The following KCNG3 variants were observed in gnomAD, a reference collection of about 807,000 sequenced individuals.
KCNG3 encodes the protein voltage-gated potassium channel regulatory subunit KCNG3.
In KCNG3, 15 loss-of-function variants were observed where a neutral mutation model predicts 29.0. That is an observed-to-expected ratio of 0.52 (90% CI 0.35 to 0.80). KCNG3 has a LOEUF of 0.80. Ranked by LOEUF, KCNG3 falls within the 30% of genes least tolerant of loss-of-function variation. KCNG3 has a pLI of 0.01. For synonymous variants in KCNG3, 322 were observed against 248.9 expected (o/e 1.29, Z -2.76); for missense variants, 512 against 605.7 (o/e 0.85, Z 1.62).
Position 42,492,989 on chromosome 2 carries a change from C to G in KCNG3, c.513G>C (p.Gln171His). Residue 171 changes from glutamine to histidine, a missense_variant, in exon 1 of 2, where the codon CAG (glutamine) becomes CAC (histidine). Physicochemically the swap from Gln to His is conservative, Grantham distance 24. Around this residue, in one of 5 missense-constraint regions of KCNG3, gnomAD observed 228 missense variants for 200.0 expected, o/e 1.14. Transcript: ENST00000306078. ...FEEPTSSLAAQILASVSVVFV... is the reference protein window; with the variant it reads ...FEEPTSSLAAHILASVSVVFV... ...ACACCACCGACACGCTAGCCAGGAT[C>G]TGCGCGGCCAGCGACGACGTGGGCT... 2 of 1,541,868 alleles carry G rather than the reference C, an allele frequency of 1.3e-6. No homozygotes were observed. Among genetic ancestry groups the G allele is most frequent in the Non-Finnish European group, 1.7e-6 (2 of 1,147,734 alleles).
At chr2:42,457,382 A>C (rs1252702822) in intron 1 of KCNG3, among the ~76,000 whole-genome samples, 4 of 151,672 alleles carry the variant, frequency 2.6e-5, no homozygotes, top group Non-Finnish European at 5.9e-5. Flanking sequence ...TACTCCCAGC[A>C]ACCTGGGAGG....
chr2:42,460,004 T>C (rs919520527), intron 1 of KCNG3, among the ~76,000 whole-genome samples: 4 of 150,360 alleles, frequency 2.7e-5, no homozygotes, highest in East Asian at 2.0e-4. Context: ...GATGTTATCA[T>C]TGGGGAAACC....
rs1673984945 is a variant in KCNG3 at position 42,493,690 on chromosome 2, A to G, written c.-189T>C. 4.9e-6 allele frequency: 2 copies of G among 404,622 alleles called. No homozygotes were observed. The highest frequency in any genetic ancestry group is 4.1e-5 in the East Asian group (1 of 24,408). The allele number at this position is 404,622 out of a possible 1,614,324, so 25.1% of individuals were successfully genotyped here. A position where few individuals can be genotyped will look rare whatever the true frequency, so the allele number is the denominator to read the frequency against. On this transcript the variant is annotated 5_prime_UTR_variant, in exon 1 of 2. Coordinates refer to ENST00000306078, the MANE Select transcript of KCNG3 (RefSeq NM_133329.6). ...GGGCTCGAGTATCTCCGGCGCTGCT[A>G]GTAGCGCGCCCTCCGCCCGGCGGTA...
the KCNG3 span, among the ~76,000 whole-genome samples, chr2:42,389,224 G>C: frequency 6.6e-6 from 1 of 152,154 alleles, no homozygotes. Context: ...GCCCCATGTA[G>C]ATTACTTTGT....
At chr2:42,434,852 T>C in the KCNG3 span, among the ~76,000 whole-genome samples, 1 of 152,096 alleles carries the variant, frequency 6.6e-6, no homozygotes, top group East Asian at 1.9e-4. Context: ...AAAGTGCCAA[T>C]ACCATTACAT....
chr2:42,391,870 G>A, the KCNG3 span, among the ~76,000 whole-genome samples: 1 of 151,720 alleles, frequency 6.6e-6, no homozygotes, highest in Non-Finnish European at 1.5e-5. Flanking sequence ...CCAAAGTGCT[G>A]GGATTACAGG....
the KCNG3 span, among the ~76,000 whole-genome samples, chr2:42,403,763 C>A: frequency 4.0e-4 from 61 of 151,680 alleles, no homozygotes; most frequent in African/African-American, 1.5e-3. Flanking sequence ...CCGTGCCTGG[C>A]CTAATTTTTT....
the KCNG3 span, among the ~76,000 whole-genome samples, chr2:42,428,763 T>C: frequency 6.6e-6 from 1 of 152,142 alleles, no homozygotes; most frequent in African/African-American, 2.4e-5. Flanking sequence ...ACAACTCAAA[T>C]ACCACTTCCA....
At chr2:42,487,367 TG>T (rs1673752142) in intron 1 of KCNG3, among the ~76,000 whole-genome samples, 1 of 133,960 alleles carries the variant, frequency 7.5e-6, no homozygotes, top group African/African-American at 2.8e-5. Context: ...TTTTTTGAGA[TG>T]GAGTCTTGCT....
the KCNG3 span, among the ~76,000 whole-genome samples, chr2:42,412,537 T>G: frequency 1.3e-5 from 2 of 152,338 alleles, no homozygotes; most frequent in East Asian, 3.9e-4. Context: ...ATTTGTCAAA[T>G]TCTATTAGGT....
chr2:42,480,536 A>G (rs1673555402), intron 1 of KCNG3, among the ~76,000 whole-genome samples: 1 of 152,208 alleles, frequency 6.6e-6, no homozygotes, highest in Admixed American at 6.5e-5. Context: ...GCCATAAACA[A>G]TATGTAAAAG....
At chr2:42,461,159 T>C (rs1389885256) in intron 1 of KCNG3, among the ~76,000 whole-genome samples, 1 of 59,632 alleles carries the variant, frequency 1.7e-5, no homozygotes, top group Non-Finnish European at 3.1e-5. Context: ...AGACTCTGTC[T>C]CCAAAAACAA....
the KCNG3 span, among the ~76,000 whole-genome samples, chr2:42,409,731 T>TAAAA: frequency 3.9e-5 from 3 of 77,026 alleles, no homozygotes; most frequent in African/African-American, 1.3e-4. Flanking sequence ...AAAAAAAAAT[T>TAAAA]TTTTTTTAAA....
At chr2:42,416,295 T>C in the KCNG3 span, among the ~76,000 whole-genome samples, 1 of 152,132 alleles carries the variant, frequency 6.6e-6, no homozygotes, top group African/African-American at 2.4e-5. Flanking sequence ...TGACTAGAGT[T>C]AACAATAATA....
chr2:42,448,344 C>CTTAT (rs5830729), intron 1 of KCNG3, among the ~76,000 whole-genome samples: 31,605 of 145,518 alleles, frequency 0.22, 3,598 homozygotes, highest in East Asian at 0.41. Context: ...CCACTTCCCA[C>CTTAT]TTATTTATTT....
At chr2:42,480,733 T>C (rs1673560672) in intron 1 of KCNG3, among the ~76,000 whole-genome samples, 1 of 141,868 alleles carries the variant, frequency 7.0e-6, no homozygotes, top group African/African-American at 2.7e-5. Flanking sequence ...AAGACCAGCC[T>C]AGGCAGCATA....
the KCNG3 span, among the ~76,000 whole-genome samples, chr2:42,431,637 T>C: frequency 6.6e-6 from 1 of 152,194 alleles, no homozygotes; most frequent in South Asian, 2.1e-4. Context: ...TTTGAGGAAA[T>C]GTTGCTTGCA....
downstream of KCNG3, among the ~76,000 whole-genome samples, chr2:42,440,646 C>T (rs568354520): frequency 5.3e-5 from 8 of 152,278 alleles, no homozygotes; most frequent in East Asian, 1.5e-3. Flanking sequence ...GACTTATTGA[C>T]AGCCATTGTG....
intron 1 of KCNG3, among the ~76,000 whole-genome samples, chr2:42,477,093 G>A (rs1273017658): frequency 2.7e-5 from 4 of 150,616 alleles, no homozygotes; most frequent in African/African-American, 9.7e-5. Flanking sequence ...TCAGGAGGCT[G>A]AGGCAGGAGA....
Sources: allele counts gnomAD v4.1 joint callset (sites outside exome capture counted in the v4.1 genomes callset), GRCh38; gene constraint gnomAD v4.1.1; regional missense constraint gnomAD v4.1.1; transcripts MANE v1.5; gene names NCBI Gene and HGNC (gene_info 2026-07-23, HGNC 2026-07-21).